VWF: variants seen among roughly 807,000 people sequenced by gnomAD.
The protein encoded by VWF is von Willebrand factor.
Under a neutral mutation model 308.6 loss-of-function variants are expected in VWF, and 176 were observed. The observed-to-expected ratio is 0.57, with a 90% CI of 0.50 to 0.65. The LOEUF is 0.65. VWF is among the 30% of genes least tolerant of loss of function. The pLI is 0.00. For synonymous variants in VWF, 1,385 were observed against 1,443.4 expected, an observed-to-expected ratio of 0.96 and a Z score of 0.92; for missense variants, 3,146 against 3,648.2, an observed-to-expected ratio of 0.86 and a Z score of 3.55.
chr12:6,085,184 T>A (rs1190552492), intron 6 of VWF, among the ~76,000 whole-genome samples: 24 of 152,204 alleles, frequency 1.6e-4, no homozygotes, highest in Admixed American at 1.5e-3. Context: ...GGGGCACCAT[T>A]CCCTGGTTCC....
chr12:6,004,470 CGT>C (rs921738216), intron 34 of VWF, among the ~76,000 whole-genome samples: 2 of 151,194 alleles, frequency 1.3e-5, no homozygotes, highest in African/African-American at 4.9e-5. Flanking sequence ...TGTGTGTGTG[CGT>C]GTGTGTGTGT....
At chr12:5,981,372 G>A (rs6489685) in intron 42 of VWF, among the ~76,000 whole-genome samples, 19,519 of 152,196 alleles carry the variant, frequency 0.13, 1,383 homozygotes, top group Non-Finnish European at 0.15. Context: ...CAACATGTAT[G>A]TATAACTATT....
At position 6,121,223 on chromosome 12, in the gene VWF, G is replaced by C. The variant is rs61753987; in HGVS notation, c.171C>G (p.Cys57Trp). 2 of 1,614,128 alleles carry C rather than the reference G, an allele frequency of 1.2e-6. No individual in the cohort carries two copies. The highest frequency in any genetic ancestry group is 1.3e-5 in the African/African-American group (1 of 74,940). The part of the protein sequence containing the change: ...DGSMYSFAGY[C>W]SYLLAGGCQK... Reference sequence around the variant, plus strand: ...GGCAGCCCCCTGCCAGGAGGTAACTGCAGTATCCCGCAAAGCTGTACATGC... The same window carrying C: ...GGCAGCCCCCTGCCAGGAGGTAACTCCAGTATCCCGCAAAGCTGTACATGC... The change falls in exon 3 of 52, where the codon TGC becomes TGG. Residue 57 changes from cysteine (C) to tryptophan (W), a missense_variant. Physicochemically the swap from Cys to Trp is radical, Grantham distance 215. Transcript: ENST00000261405.
chr12:6,043,703 G>A (rs78511902), intron 18 of VWF, among the ~76,000 whole-genome samples: 3,800 of 152,266 alleles, frequency 0.025, 95 homozygotes, highest in East Asian at 0.066. Flanking sequence ...TTGGATGCAC[G>A]GCCTCCATGC....
chr12:6,123,295 T>C, intron 1 of VWF, 99 bp from the exon 2 acceptor site: 5 of 1,381,298 alleles, frequency 3.6e-6, no homozygotes, highest in Non-Finnish European at 5.1e-6. Context: ...AACATTTCTT[T>C]AAAGCAGGAG....
In VWF at chr12:6,019,635, G is replaced by A. The variant is rs780663180; in HGVS notation, c.3783C>T (p.Asp1261=). Residue 1261 remains aspartate (D), a synonymous_variant, in exon 28 of 52, where the codon GAC becomes GAT. Transcript: ENST00000261405. The surrounding 1 kb of genome is among the most constrained non-coding windows in gnomAD (Gnocchi z 5.8). ...PVSPTTLYVE[D]ISEPPLHDFY... is the part of the protein sequence containing the mutation. ...AATCGTGCAACGGCGGTTCCGAGAT[G>A]TCCTCCACATACAGAGTGGTGGGGC... 1.1e-5 allele frequency: 18 copies of A among 1,613,818 alleles called. No homozygotes were observed. In the Middle Eastern group the frequency reaches 1.5e-3, roughly 133 times the overall value.
At chr12:6,036,361 C>G in intron 19 of VWF, 27 bp downstream of exon 19, 2 of 1,608,040 alleles carry the variant, frequency 1.2e-6, no homozygotes, top group Non-Finnish European at 8.5e-7. Context: ...GCCTGGGTCC[C>G]CGGCGCAGCC....
At chr12:6,085,814 G>A (rs1361281914) in intron 6 of VWF, among the ~76,000 whole-genome samples, 1 of 152,110 alleles carries the variant, frequency 6.6e-6, no homozygotes, top group Non-Finnish European at 1.5e-5. Context: ...GGGTTGATAG[G>A]TGCAGCAAAC....
chr12:6,067,125 A>G (rs1944724430), intron 10 of VWF, among the ~76,000 whole-genome samples: 1 of 152,206 alleles, frequency 6.6e-6, no homozygotes, highest in Non-Finnish European at 1.5e-5. Flanking sequence ...TGGAGGACAG[A>G]GCAGGCCACA....
At chr12:6,077,235 C>T (rs534981000) in intron 6 of VWF, among the ~76,000 whole-genome samples, 2 of 152,240 alleles carry the variant, frequency 1.3e-5, no homozygotes, top group South Asian at 2.1e-4. Context: ...GCTTGAACGG[C>T]GGGGCAGGGG....
intron 34 of VWF, among the ~76,000 whole-genome samples, chr12:5,998,872 G>C (rs1450577796): frequency 6.6e-6 from 1 of 152,126 alleles, no homozygotes; most frequent in Non-Finnish European, 1.5e-5. Context: ...AGGATTACAG[G>C]CATGCGCCAC....
Position 6,057,050 on chromosome 12 carries a change from G to T in VWF, c.1752C>A (p.Cys584Ter). ...PRMTRFSEEA[C>*]AVLTSPTFEA... ...CGAATGTGGGGGACGTCAGGACCGCGCACGCCTCCTCGGAGAACCTGGCTG... is the reference window on the plus strand; with the variant it reads ...CGAATGTGGGGGACGTCAGGACCGCTCACGCCTCCTCGGAGAACCTGGCTG... Residue 584 changes from cysteine (C) to a stop codon, truncating the protein, a stop_gained, in exon 15 of 52, where the codon TGC becomes TGA. Transcript: ENST00000261405. LOFTEE classifies it high-confidence loss of function. 6.5e-7 allele frequency: 1 copy of T among 1,544,186 alleles called. No individual in the cohort carries two copies. The highest frequency in any genetic ancestry group is 8.7e-7 in the Non-Finnish European group (1 of 1,150,990).
Position 5,949,130 on chromosome 12 carries a change from G to A in VWF, c.8327C>T (p.Pro2776Leu), listed in dbSNP as rs61751312. Residue 2776 changes from proline to leucine, a missense_variant, in exon 52 of 52, where the codon CCG (proline) becomes CTG (leucine). Pro to Leu is a moderately conservative substitution (Grantham distance 98, BLOSUM62 -3). Around this residue, in one of 3 missense-constraint regions of VWF, gnomAD observed 989 missense variants for 1,117.4 expected, o/e 0.89. Transcript: ENST00000261405. Reference sequence around the variant, plus strand: ...CACCTGCATGGGCTCCGTCCGTGTCGGAGAGCAGCAGGAGCACTGGTCCTG... The same window carrying A: ...CACCTGCATGGGCTCCGTCCGTGTCAGAGAGCAGCAGGAGCACTGGTCCTG... ...DVQDQCSCCSPTRTEPMQVAL... is the reference protein window; with the variant it reads ...DVQDQCSCCSLTRTEPMQVAL... 25 of 1,614,110 alleles carry A rather than the reference G, an allele frequency of 1.5e-5. No homozygotes were observed. The highest frequency in any genetic ancestry group is 2.2e-5 in the East Asian group (1 of 44,890).
At chr12:6,010,212 C>T (rs1943978127) in intron 34 of VWF, among the ~76,000 whole-genome samples, 1 of 152,094 alleles carries the variant, frequency 6.6e-6, no homozygotes, top group South Asian at 2.1e-4. Context: ...GGCAATTAAA[C>T]ATATGATAAA....
intron 6 of VWF, among the ~76,000 whole-genome samples, chr12:6,086,013 T>A (rs1337640075): frequency 1.3e-5 from 2 of 152,164 alleles, no homozygotes; most frequent in African/African-American, 2.4e-5. Flanking sequence ...AGGTCACCAC[T>A]GTTTCACCAC....
chr12:6,052,549 G>C lies in VWF; in HGVS notation c.2180C>G (p.Thr727Ser), dbSNP rs1330300378. The C allele has an allele frequency of 6.2e-7, 1 of 1,614,102 alleles. No homozygotes were observed. The highest frequency in any genetic ancestry group is 1.3e-5 in the African/African-American group (1 of 74,928). ...CACTGCTGCCTGCACTTACCACATGGTGTGATGGTCTGAGAAGATGTCTTC... is the reference window on the plus strand; with the variant it reads ...CACTGCTGCCTGCACTTACCACATGCTGTGATGGTCTGAGAAGATGTCTTC... ...QPEDIFSDHH[T>S]MCYCEDGFMH... Residue 727 changes from threonine to serine, a missense_variant, in exon 16 of 52, where the codon ACC (threonine) becomes AGC (serine). This residue lies in a region of VWF where 1,304 missense variants were observed against 1,353.0 expected (regional missense o/e 0.96). Transcript: ENST00000261405.
At position 6,056,951 on chromosome 12, in the gene VWF, G is replaced by A. The variant is rs1291576203; in HGVS notation, c.1851C>T (p.Asp617=). ...GGGCGCCGCACAGGCACTCGCGGCC[G>A]TCCGAGCAGGAGCACACGTCGTAGC... ...NCRYDVCSCS[D]GRECLCGALA... Residue 617 remains aspartate (D), a synonymous_variant, in exon 15 of 52, where the codon GAC becomes GAT. Coordinates refer to ENST00000261405, the MANE Select transcript of VWF (RefSeq NM_000552.5). The A allele has an allele frequency of 2.0e-6, 3 of 1,537,908 alleles. No homozygotes were observed. Among genetic ancestry groups the A allele is most frequent in the Non-Finnish European group, 1.7e-6 (2 of 1,147,010 alleles).
At chr12:6,033,605 A>G (rs188395230) in intron 20 of VWF, among the ~76,000 whole-genome samples, 1 of 152,356 alleles carries the variant, frequency 6.6e-6, no homozygotes, top group African/African-American at 2.4e-5. Context: ...AAAGGGGCGC[A>G]TATCCCCCCG....
rs1340983627 is a variant in VWF at position 6,046,330 on chromosome 12, G to A, written c.2281+393C>T. On this transcript the variant is annotated intron_variant, in intron 17 of 51. Transcript: ENST00000261405. This position sits in a 1 kb window ranked among gnomAD's most constrained non-coding sequence, Gnocchi z 5.0. ...ATCCAAGAAGCTTTCTCAAGGAAGA[G>A]CTGTCTTCATCAGCATGTCCATAGG... Among the ~76,000 whole-genome samples the A allele has an allele frequency of 3.9e-5, 6 of 152,190 alleles. No homozygotes were observed. Among genetic ancestry groups the A allele is most frequent in the African/African-American group, 9.7e-5 (4 of 41,440 alleles).
Sources: gnomAD v4.1 joint callset for allele counts (sites outside exome capture counted in the v4.1 genomes callset) on GRCh38, gnomAD v4.1.1 for gene constraint, gnomAD v4.1.1 regional missense constraint, Gnocchi (gnomAD v3.1) non-coding constraint, MANE v1.5 for transcripts, NCBI Gene and HGNC (gene_info 2026-07-23, HGNC 2026-07-21) for gene names.